Variants in USP36 observed in about 807,000 individuals in gnomAD.
USP36 encodes ubiquitin carboxyl-terminal hydrolase 36.
In USP36, 59 loss-of-function variants were observed where a neutral mutation model predicts 111.5. The observed-to-expected ratio is 0.53, with a 90% CI of 0.43 to 0.66. The LOEUF (loss-of-function observed/expected upper bound fraction) is 0.66, where lower values mean the gene tolerates loss of function less well. Ranked by LOEUF, USP36 falls within the 30% of genes least tolerant of loss-of-function variation. The pLI is 0.00. For missense variants in USP36, 1,488 were observed against 1,468.0 expected, an observed-to-expected ratio of 1.01 and a Z score of -0.22; for synonymous variants, 628 against 581.0, an observed-to-expected ratio of 1.08 and a Z score of -1.16.
chr17:78,821,864 T>A (rs1432810511), intron 7 of USP36, 73 bp downstream of exon 7: 2 of 1,570,064 alleles, frequency 1.3e-6, no homozygotes, highest in African/African-American at 2.7e-5. Flanking sequence ...CAGCCTGCGT[T>A]CCAACTCTTA....
chr17:78,822,752 C>T (rs1165324593), intron 6 of USP36, among the ~76,000 whole-genome samples: 3 of 152,344 alleles, frequency 2.0e-5, no homozygotes, highest in Non-Finnish European at 2.9e-5. Context: ...GTCTCTGCTC[C>T]TGGTTCTACT....
chr17:78,805,760 G>A (rs778884705), intron 15 of USP36, among the ~76,000 whole-genome samples: 8 of 152,192 alleles, frequency 5.3e-5, no homozygotes, highest in Non-Finnish European at 1.2e-4. Context: ...AAAAACGCTC[G>A]GGACTCCGAG....
intron 6 of USP36, among the ~76,000 whole-genome samples, chr17:78,825,194 G>A (rs7210788): frequency 0.016 from 2,473 of 152,232 alleles, 56 homozygotes; most frequent in African/African-American, 0.057. Flanking sequence ...AGCAGCCACC[G>A]CCAAGCATGC....
At position 78,835,890 on chromosome 17, in the gene USP36, C is replaced by G. The variant is rs542864326; in HGVS notation, c.253+221G>C. The G allele has an allele frequency of 2.3e-5, 16 of 682,004 alleles. No homozygotes were observed. In the South Asian group the frequency reaches 3.2e-4, roughly 13 times the overall value. 42.2% of individuals were successfully genotyped at this position (682,004 alleles called of 1,614,324 possible). On this transcript the variant is annotated intron_variant, in intron 3 of 20. Coordinates refer to ENST00000449938, the MANE Select transcript of USP36 (RefSeq NM_001385174.1). ...ACTTGGGATAGGGGGACAGCAAGTC[C>G]AAGGACCCACCAAGTACACAGATCC...
chr17:78,807,517 C>A lies in USP36; in HGVS notation c.1527G>T (p.Leu509=). ...KSQNGCIPPK[L]PSGSPSPKLS... is the part of the protein sequence containing the mutation. ...GTTTGGGGGAAGGGGACCCCGAGGG[C>A]AGCTTTGGAGGAATGCAGCCGTTCT... The change falls in exon 14 of 21, where the codon CTG becomes CTT. Residue 509 remains leucine (L), a synonymous_variant. Coordinates refer to ENST00000449938, the MANE Select transcript of USP36 (RefSeq NM_001385174.1). The A allele has an allele frequency of 6.2e-7, 1 of 1,613,828 alleles. No homozygotes were observed. The highest frequency in any genetic ancestry group is 8.5e-7 in the Non-Finnish European group (1 of 1,179,876).
At chr17:78,838,337 A>G (rs985433758) in intron 2 of USP36, among the ~76,000 whole-genome samples, 2 of 147,736 alleles carry the variant, frequency 1.4e-5, no homozygotes, top group African/African-American at 5.0e-5. Context: ...GCGCCACTGC[A>G]CTCCAGCCTG....
intron 10 of USP36, 27 bp downstream of exon 10, chr17:78,818,640 G>T: frequency 6.2e-7 from 1 of 1,602,490 alleles, no homozygotes; most frequent in Non-Finnish European, 8.6e-7. Flanking sequence ...CCACGGAGCT[G>T]CCTGGGATGG....
rs2068642087 is a variant in USP36 at position 78,836,120 on chromosome 17, T to C, written c.244A>G (p.Arg82Gly). Residue 82 changes from arginine (R) to glycine (G), a missense_variant, in exon 3 of 21, where the codon AGG becomes GGG. This residue lies in a region of USP36 where 219 missense variants were observed against 209.5 expected (regional missense o/e 1.05). Coordinates refer to ENST00000449938, the MANE Select transcript of USP36 (RefSeq NM_001385174.1). ...RHKSGDDPPA[R>G]RQGSEHTYES... ...CACTGCACATCTGTACCCTGTCTCC[T>C]GGCCGGTGGGTCATCTCCACTCTTG... 6 of 1,613,428 alleles carry C rather than the reference T, an allele frequency of 3.7e-6. No homozygotes were observed. In the East Asian group the frequency reaches 8.9e-5, roughly 24 times the overall value.
Position 78,803,780 on chromosome 17 carries a change from G to C in USP36, c.2415C>G (p.Pro805=), listed in dbSNP as rs752984122. The C allele has an allele frequency of 9.3e-6, 15 of 1,612,708 alleles. No individual in the cohort carries two copies. Among genetic ancestry groups the C allele is most frequent in the Middle Eastern group, 1.7e-4 (1 of 5,890 alleles). ...TTTTCCTCTTCTCAGAGGGGCTCTGGGGGGGCTCACTGGCCTCTGGCAACT... is the reference window on the plus strand; with the variant it reads ...TTTTCCTCTTCTCAGAGGGGCTCTGCGGGGGCTCACTGGCCTCTGGCAACT... ...PHQLPEASEP[P]QSPSEKRKKT... The change falls in exon 16 of 21, where the codon CCC becomes CCG. Residue 805 remains proline (P), a synonymous_variant. Coordinates refer to ENST00000449938, the MANE Select transcript of USP36 (RefSeq NM_001385174.1). This position sits in a 1 kb window ranked among gnomAD's most constrained non-coding sequence, Gnocchi z 4.6.
At chr17:78,814,147 G>A (rs910389494) in intron 11 of USP36, among the ~76,000 whole-genome samples, 5 of 152,104 alleles carry the variant, frequency 3.3e-5, no homozygotes, top group Middle Eastern at 3.2e-3. Context: ...CACCATGGCC[G>A]ATTTTGCCAG....
At position 78,831,253 on chromosome 17, in the gene USP36, AGG is replaced by A. The variant is rs55909837; in HGVS notation, c.476-2248_476-2247del. Among the ~76,000 whole-genome samples, 178 of 65,218 alleles carry A rather than the reference AGG, an allele frequency of 2.7e-3. 15 individuals are homozygous for A. The highest frequency in any genetic ancestry group is 0.012 in the African/African-American group (167 of 14,298). The allele number at this position is 65,218 out of a possible 152,430, so 42.8% of individuals were successfully genotyped here. ...AAAAAAAAAAAAAAAAAAAAAAAAA[AGG>A]GACAACATAAATATTGAAGAGCTCT... On this transcript the variant is annotated intron_variant, in intron 4 of 20. Coordinates refer to ENST00000449938, the MANE Select transcript of USP36 (RefSeq NM_001385174.1).
intron 12 of USP36, among the ~76,000 whole-genome samples, 183 bp downstream of exon 12, chr17:78,813,590 C>A (rs1352842891): frequency 6.6e-6 from 1 of 152,214 alleles, no homozygotes; most frequent in Non-Finnish European, 1.5e-5. Context: ...CCTGTCCTGA[C>A]CTTCCCAAGG....
intron 2 of USP36, among the ~76,000 whole-genome samples, chr17:78,837,475 G>A (rs1199025072): frequency 6.6e-6 from 1 of 152,082 alleles, no homozygotes. Flanking sequence ...CTGTAAAATA[G>A]CAACAAAAAT....
At chr17:78,833,576 C>T (rs555382807) in intron 4 of USP36, among the ~76,000 whole-genome samples, 4 of 152,248 alleles carry the variant, frequency 2.6e-5, no homozygotes, top group Admixed American at 6.5e-5. Flanking sequence ...AGACCAGGGA[C>T]ATTCTCAAAA....
chr17:78,832,495 C>T (rs1490796420), intron 4 of USP36, among the ~76,000 whole-genome samples: 1 of 152,250 alleles, frequency 6.6e-6, no homozygotes, highest in Non-Finnish European at 1.5e-5. Flanking sequence ...GAAGACCAGG[C>T]GTTCCCCTTG....
chr17:78,795,006 C>T (rs1418641923), downstream of USP36, among the ~76,000 whole-genome samples: 6 of 124,346 alleles, frequency 4.8e-5, no homozygotes, highest in East Asian at 2.5e-4. The surrounding 1 kb of genome is among the most constrained non-coding windows in gnomAD (Gnocchi z 4.5). Context: ...AGACTCTGTT[C>T]GGGAAAAAAA....
chr17:78,806,357 A>G (rs894539654), intron 14 of USP36, 71 bp from the exon 15 acceptor site: 22 of 1,582,190 alleles, frequency 1.4e-5, no homozygotes, highest in Admixed American at 2.0e-5. Context: ...GGGAAAACAA[A>G]AGTAACAAAA....
chr17:78,790,002 T>C (rs543834326), intron 3 of USP36, among the ~76,000 whole-genome samples: 1 of 152,208 alleles, frequency 6.6e-6, no homozygotes, highest in Non-Finnish European at 1.5e-5. Context: ...AGTTCACTCA[T>C]TCAACAAATA....
chr17:78,804,581 C>T (rs1660580904), intron 15 of USP36, among the ~76,000 whole-genome samples: 1 of 141,248 alleles, frequency 7.1e-6, no homozygotes, highest in African/African-American at 2.7e-5. Flanking sequence ...CCTTTACATC[C>T]TGCACATGTA....
Sources: allele counts gnomAD v4.1 joint callset (sites outside exome capture counted in the v4.1 genomes callset), GRCh38; gene constraint gnomAD v4.1.1; regional missense constraint gnomAD v4.1.1; non-coding constraint Gnocchi (gnomAD v3.1); transcripts MANE v1.5; gene names NCBI Gene and HGNC (gene_info 2026-07-23, HGNC 2026-07-21).